Variants in KBTBD11 observed in about 807,000 individuals in gnomAD.
The protein encoded by KBTBD11 is kelch repeat and BTB domain containing 11, also known as kelch repeat and BTB domain-containing protein 11.
For synonymous variants in KBTBD11, 747 were observed against 499.0 expected (o/e 1.50, Z -6.63); for missense variants, 1,390 against 1,001.8 (o/e 1.39, Z -5.23).
At chr8:1,978,814 G>A (rs1484243670) in intron 1 of KBTBD11, among the ~76,000 whole-genome samples, 2 of 144,778 alleles carry the variant, frequency 1.4e-5, no homozygotes, top group Non-Finnish European at 3.0e-5. Context: ...AAAAGGCTAC[G>A]GCGATCCCCA....
In KBTBD11 at chr8:2,001,263, G is replaced by A. The variant is rs1286318278; in HGVS notation, c.71G>A (p.Ser24Asn). 1.3e-6 allele frequency: 2 copies of A among 1,514,584 alleles called. No homozygotes were observed. The highest frequency in any genetic ancestry group is 2.0e-5 in the Admixed American group (1 of 50,410). The allele number at this position is 1,514,584 out of a possible 1,614,324, so 93.8% of individuals were successfully genotyped here. A position where few individuals can be genotyped will look rare whatever the true frequency, so the allele number is the denominator to read the frequency against. ...TEPGAAGESE[S>N]EGAASPAQTP... is the part of the protein sequence containing the mutation. ...CCCGGGGCTGCCGGGGAGAGCGAGA[G>A]CGAGGGCGCCGCGTCCCCGGCGCAG... The change falls in exon 2 of 2, where the codon AGC becomes AAC. Residue 24 changes from serine to asparagine, a missense_variant. By Grantham distance (46) the Ser-to-Asn change is conservative. Coordinates refer to ENST00000320248, the MANE Select transcript of KBTBD11 (RefSeq NM_014867.3).
chr8:1,974,364 C>A (rs995211038), intron 1 of KBTBD11: 4 of 984,492 alleles, frequency 4.1e-6, no homozygotes, highest in East Asian at 2.3e-4. Flanking sequence ...CCGCCCCAGC[C>A]GGCACGGAAG....
At chr8:1,979,343 C>T (rs999861859) in intron 1 of KBTBD11, among the ~76,000 whole-genome samples, 4 of 152,128 alleles carry the variant, frequency 2.6e-5, no homozygotes, top group African/African-American at 9.7e-5. Context: ...TAAAAAACAC[C>T]CTTAGGCCAG....
At chr8:1,999,979 A>G (rs1399393614) in intron 1 of KBTBD11, among the ~76,000 whole-genome samples, 1 of 152,216 alleles carries the variant, frequency 6.6e-6, no homozygotes, top group Non-Finnish European at 1.5e-5. Context: ...AGAACTAGCA[A>G]CTTCATATGG....
At chr8:1,989,768 A>G (rs1027746935) in intron 1 of KBTBD11, among the ~76,000 whole-genome samples, 1 of 152,078 alleles carries the variant, frequency 6.6e-6, no homozygotes, top group African/African-American at 2.4e-5. Flanking sequence ...GAACCTGACC[A>G]CAGAGTCGGA....
chr8:1,985,411 G>A (rs913507749), intron 1 of KBTBD11, among the ~76,000 whole-genome samples: 3 of 152,256 alleles, frequency 2.0e-5, no homozygotes, highest in Non-Finnish European at 2.9e-5. Flanking sequence ...GTTCCCCCTC[G>A]GGAATTCCGA....
intron 1 of KBTBD11, among the ~76,000 whole-genome samples, chr8:1,993,535 A>AT (rs1817012041): frequency 1.2e-4 from 4 of 32,944 alleles, no homozygotes; most frequent in Non-Finnish European, 1.9e-4. Context: ...CCATCCACCC[A>AT]CCCACCCACC....
At position 2,001,807 on chromosome 8, in the gene KBTBD11, C is replaced by A. The variant is rs1004712436; in HGVS notation, c.615C>A (p.Ala205=). ...RMAGVRPDNV[A]EVVAGARRLQ... ...CGGGCGTGCGGCCCGACAACGTGGCCGAGGTGGTGGCCGGCGCGCGCCGCC... is the reference window on the plus strand; with the variant it reads ...CGGGCGTGCGGCCCGACAACGTGGCAGAGGTGGTGGCCGGCGCGCGCCGCC... The change falls in exon 2 of 2, where the codon GCC becomes GCA. Residue 205 remains alanine, a synonymous_variant. Coordinates refer to ENST00000320248, the MANE Select transcript of KBTBD11 (RefSeq NM_014867.3). 3 of 1,238,590 alleles carry A rather than the reference C, an allele frequency of 2.4e-6. No homozygotes were observed. The African/African-American group carries it at 4.8e-5, about 20-fold the overall frequency. The allele number at this position is 1,238,590 out of a possible 1,614,324, so 76.7% of individuals were successfully genotyped here. A position where few individuals can be genotyped will look rare whatever the true frequency, so the allele number is the denominator to read the frequency against.
chr8:1,988,150 G>C (rs1453993933), intron 1 of KBTBD11, among the ~76,000 whole-genome samples: 1 of 152,150 alleles, frequency 6.6e-6, no homozygotes, highest in Non-Finnish European at 1.5e-5. Context: ...ATTTGGGTTG[G>C]TTCCAAGTCT....
intron 1 of KBTBD11, chr8:1,974,657 C>T: frequency 1.0e-6 from 1 of 985,372 alleles, no homozygotes; most frequent in Non-Finnish European, 1.2e-6. Context: ...CCCTTGCAGC[C>T]CCCGCCCCAT....
chr8:2,000,921 G>T lies in KBTBD11; in HGVS notation c.-272G>T, dbSNP rs1014911554. 1.3e-5 allele frequency: 5 copies of T among 380,670 alleles called. No individual in the cohort carries two copies. The East Asian group carries it at 1.9e-4, about 14-fold the overall frequency. The allele number at this position is 380,670 out of a possible 1,614,324, so 23.6% of individuals were successfully genotyped here. ...AGATCCATTCACCAAGACTTTCTGGGCAGATTTAAAGTGGCTGGGGTTCAG... is the reference window on the plus strand; with the variant it reads ...AGATCCATTCACCAAGACTTTCTGGTCAGATTTAAAGTGGCTGGGGTTCAG... On this transcript the variant is annotated 5_prime_UTR_variant, in exon 2 of 2. Transcript: ENST00000320248.
Position 2,003,268 on chromosome 8 carries a change from C to T in KBTBD11, c.*204C>T, listed in dbSNP as rs751291321. 1.3e-6 allele frequency: 1 copy of T among 778,828 alleles called. No individual in the cohort carries two copies. Among genetic ancestry groups the T allele is most frequent in the Non-Finnish European group, 1.8e-6 (1 of 564,752 alleles). The allele number at this position is 778,828 out of a possible 1,614,324, so 48.2% of individuals were successfully genotyped here. A position where few individuals can be genotyped will look rare whatever the true frequency, so the allele number is the denominator to read the frequency against. ...TGTCTTTGCTTCTGGGGGTGGATGC[C>T]TTGAGACCCAGGAGGTGTGCGGATG... On this transcript the variant is annotated 3_prime_UTR_variant, in exon 2 of 2. Coordinates refer to ENST00000320248, the MANE Select transcript of KBTBD11 (RefSeq NM_014867.3).
Position 1,981,800 on chromosome 8 carries a change from G to A in KBTBD11, c.-909+7865G>A, listed in dbSNP as rs77187128. On this transcript the variant is annotated intron_variant, in intron 1 of 1. Transcript: ENST00000320248. ...TTGGACTCTGGGACTTGCATCAGTGGTCCCCTGGGTTGTCAGGCCTTCAGC... is the reference window on the plus strand; with the variant it reads ...TTGGACTCTGGGACTTGCATCAGTGATCCCCTGGGTTGTCAGGCCTTCAGC... Among the ~76,000 whole-genome samples, 15 of 152,286 alleles carry A rather than the reference G, an allele frequency of 9.8e-5. No individual in the cohort carries two copies. In the East Asian group the frequency reaches 2.9e-3, roughly 29 times the overall value.
chr8:1,979,377 C>G (rs1219173380), intron 1 of KBTBD11, among the ~76,000 whole-genome samples: 1 of 152,254 alleles, frequency 6.6e-6, no homozygotes, highest in African/African-American at 2.4e-5. Flanking sequence ...CGCCTGTAAT[C>G]CCAGCACTTT....
chr8:1,990,083 ATTTATGGAATG>A, intron 1 of KBTBD11, among the ~76,000 whole-genome samples: 1 of 152,188 alleles, frequency 6.6e-6, no homozygotes, highest in African/African-American at 2.4e-5. Context: ...GCATTTTTTC[ATTTATGGAATG>A]AAGACGCTGG....
At chr8:1,993,358 G>GTCCGCCCATCTTTCT (rs1278140618) in intron 1 of KBTBD11, among the ~76,000 whole-genome samples, 6 of 149,690 alleles carry the variant, frequency 4.0e-5, no homozygotes, top group Non-Finnish European at 8.9e-5. Flanking sequence ...TCCATCCATC[G>GTCCGCCCATCTTTCT]GTCCATCCGT....
At position 2,001,923 on chromosome 8, in the gene KBTBD11, AGCGGCAGCGGCTGAACGAGCTGC is replaced by A; in HGVS notation, c.735_757del (p.Gln246ArgfsTer198). 1 of 1,461,938 alleles carries A rather than the reference AGCGGCAGCGGCTGAACGAGCTGC, an allele frequency of 6.8e-7. No individual in the cohort carries two copies. Among genetic ancestry groups the A allele is most frequent in the Non-Finnish European group, 9.1e-7 (1 of 1,102,510 alleles). 90.6% of individuals were successfully genotyped at this position (1,461,938 alleles called of 1,614,324 possible). On this transcript the variant is annotated frameshift_variant, in exon 2 of 2. Coordinates refer to ENST00000320248, the MANE Select transcript of KBTBD11 (RefSeq NM_014867.3). LOFTEE classifies it low-confidence loss of function (END_TRUNC). ...TGCTACGAGGTCCTGAGCGCGGCCA[AGCGGCAGCGGCTGAACGAGCTGC>A]GCGACGCCGCCTACTGCTTCATGAG...
At chr8:1,981,061 G>C (rs1816524777) in intron 1 of KBTBD11, among the ~76,000 whole-genome samples, 1 of 152,208 alleles carries the variant, frequency 6.6e-6, no homozygotes, top group Middle Eastern at 3.2e-3. Context: ...AACACTAATT[G>C]GCTGTGTGAC....
At chr8:1,984,277 AAGTTTTTTTTTTTT>A (rs1816636955) in intron 1 of KBTBD11, among the ~76,000 whole-genome samples, 2 of 130,824 alleles carry the variant, frequency 1.5e-5, no homozygotes, top group African/African-American at 5.5e-5. Context: ...ATCTCTAAAA[AAGTTTTTTTTTTTT>A]TTTTTTTTTT....
Sources: allele counts gnomAD v4.1 joint callset (sites outside exome capture counted in the v4.1 genomes callset), GRCh38; gene constraint gnomAD v4.1.1; transcripts MANE v1.5; gene names NCBI Gene and HGNC (gene_info 2026-07-23, HGNC 2026-07-21).